Variants in CYP4F3 observed in about 807,000 individuals in gnomAD.
The protein encoded by CYP4F3 is cytochrome P450 4F3.
Under a neutral mutation model 54.8 loss-of-function variants are expected in CYP4F3, and 50 were observed. The ratio of observed to expected loss-of-function variants is 0.91; its 90% CI spans 0.73 to 1.16. CYP4F3 has a LOEUF of 1.16. Ranked by LOEUF, CYP4F3 falls within the 50% of genes most tolerant of loss-of-function variation. The probability of loss-of-function intolerance (pLI) is 0.00; values close to 1 mark genes in which losing one functional copy is unlikely to be tolerated. For missense variants in CYP4F3, 715 were observed against 676.2 expected, an observed-to-expected ratio of 1.06 and a Z score of -0.64; for synonymous variants, 244 against 262.6, an observed-to-expected ratio of 0.93 and a Z score of 0.69.
chr19:15,653,557 A>C lies in CYP4F3; in HGVS notation c.1115+605A>C, dbSNP rs116799090. 2.0e-3 allele frequency among the ~76,000 whole-genome samples: 304 copies of C among 152,270 alleles called. 1 individual carries two copies. Among genetic ancestry groups the C allele is most frequent in the African/African-American group, 6.9e-3 (285 of 41,562 alleles). On this transcript the variant is annotated intron_variant, in intron 9 of 12. Transcript: ENST00000221307. ...TGGGGGAACTGTCCCTGGGCAGGACAGTCCCAGCCCACGTGGGCAGGGATG... is the reference window on the plus strand; with the variant it reads ...TGGGGGAACTGTCCCTGGGCAGGACCGTCCCAGCCCACGTGGGCAGGGATG...
chr19:15,646,049 A>G (rs978016905), intron 3 of CYP4F3, among the ~76,000 whole-genome samples, 186 bp downstream of exon 3: 3 of 152,054 alleles, frequency 2.0e-5, no homozygotes, highest in East Asian at 1.9e-4. Flanking sequence ...CTGTTTGCTC[A>G]TGTCTGGGAA....
At chr19:15,653,758 G>C (rs1022416733) in intron 9 of CYP4F3, among the ~76,000 whole-genome samples, 1 of 142,114 alleles carries the variant, frequency 7.0e-6, no homozygotes, top group African/African-American at 3.0e-5. Flanking sequence ...GAGAGAGAGA[G>C]AGAGAGAGAG....
In CYP4F3 at chr19:15,651,091, G is replaced by C. The variant is rs1972841560; in HGVS notation, c.918+908G>C. Among the ~76,000 whole-genome samples the C allele has an allele frequency of 1.3e-5, 2 of 151,574 alleles. 1 individual carries two copies. Among genetic ancestry groups the C allele is most frequent in the South Asian group, 4.2e-4 (2 of 4,812 alleles). ...AGGTTTCACCATGTTGGCCAGGCTG[G>C]TCTTGAACTCCTGACTTCATGATCC... On this transcript the variant is annotated intron_variant, in intron 7 of 12. Transcript: ENST00000221307.
chr19:15,649,389 T>C (rs1972721505), intron 6 of CYP4F3, 108 bp downstream of exon 6: 1 of 1,544,984 alleles, frequency 6.5e-7, no homozygotes, highest in South Asian at 1.1e-5. Flanking sequence ...CTTGGAGGAG[T>C]TGTTATACCT....
intron 5 of CYP4F3, among the ~76,000 whole-genome samples, chr19:15,648,850 C>T (rs1262774964): frequency 6.6e-6 from 1 of 152,148 alleles, no homozygotes; most frequent in African/African-American, 2.4e-5. Flanking sequence ...CTCCAAAGCA[C>T]ATCATCTTAA....
At chr19:15,659,104 T>C in intron 12 of CYP4F3, 116 bp from the exon 13 acceptor site, 1 of 1,406,926 alleles carries the variant, frequency 7.1e-7, no homozygotes, top group Non-Finnish European at 9.6e-7. Flanking sequence ...GATACCCCCT[T>C]CTCTGTTCCT....
chr19:15,645,580 C>A, intron 2 of CYP4F3, 139 bp from the exon 3 acceptor site: 12 of 1,129,826 alleles, frequency 1.1e-5, no homozygotes, highest in Non-Finnish European at 1.5e-5. Flanking sequence ...AGGAGGAAGC[C>A]CAGTGGGGGC....
chr19:15,641,734 G>T (rs1972471125), intron 2 of CYP4F3, 121 bp downstream of exon 2: 1 of 1,142,926 alleles, frequency 8.7e-7, no homozygotes, highest in South Asian at 1.4e-5. Flanking sequence ...AGCAGGGGAG[G>T]CGTCTTACTC....
intron 2 of CYP4F3, among the ~76,000 whole-genome samples, chr19:15,644,656 T>G (rs1972572444): frequency 6.6e-6 from 1 of 152,120 alleles, no homozygotes; most frequent in South Asian, 2.1e-4. Context: ...CTGGTGTGGG[T>G]CAAGTCCTTT....
chr19:15,647,419 C>T (rs1599886460), intron 5 of CYP4F3, 95 bp downstream of exon 5: 2 of 1,564,188 alleles, frequency 1.3e-6, no homozygotes, highest in Non-Finnish European at 1.7e-6. Context: ...CTGGGTGCCT[C>T]TGGGCCATTG....
chr19:15,652,105 G>C (rs1972874121), intron 7 of CYP4F3, among the ~76,000 whole-genome samples: 1 of 152,152 alleles, frequency 6.6e-6, no homozygotes, highest in Admixed American at 6.5e-5. Flanking sequence ...AGCTTTGTGA[G>C]AGATTATGTG....
intron 9 of CYP4F3, among the ~76,000 whole-genome samples, chr19:15,656,503 A>G (rs1262678171): frequency 1.4e-5 from 1 of 73,012 alleles, no homozygotes; most frequent in Non-Finnish European, 2.4e-5. Context: ...CTATCTATCT[A>G]TCTATCTATC....
At chr19:15,650,776 G>GTTCTTTCTTTCTTTCTTTC (rs1555742532) in intron 7 of CYP4F3, among the ~76,000 whole-genome samples, 786 of 25,524 alleles carry the variant, frequency 0.031, 156 homozygotes, top group Middle Eastern at 0.1. Flanking sequence ...TTTTTCTTTC[G>GTTCTTTCTTTCTTTCTTTC]TTCTTTCTTT....
chr19:15,657,000 C>A (rs2733759), intron 9 of CYP4F3, among the ~76,000 whole-genome samples: 100,491 of 151,524 alleles, frequency 0.66, 33,845 homozygotes, highest in East Asian at 0.82. Flanking sequence ...CAATTATAGT[C>A]AATATTTCCA....
chr19:15,659,308 A>G lies in CYP4F3; in HGVS notation c.1486A>G (p.Thr496Ala), dbSNP rs761890395. ...LLRFRVLPDHTEPRRKPELVL... is the reference protein window; with the variant it reads ...LLRFRVLPDHAEPRRKPELVL... ...GCGCTTCCGCGTCCTGCCTGACCAC[A>G]CCGAGCCCCGCAGGAAGCCGGAGCT... is the stretch of plus-strand genomic sequence containing the variant. Residue 496 changes from threonine (T) to alanine (A), a missense_variant, in exon 13 of 13, where the codon ACC becomes GCC. By Grantham distance (58) the Thr-to-Ala change is moderately conservative (BLOSUM62 0). Coordinates refer to ENST00000221307, the MANE Select transcript of CYP4F3 (RefSeq NM_000896.3). The G allele has an allele frequency of 1.2e-6, 2 of 1,613,612 alleles. No homozygotes were observed. Among genetic ancestry groups the G allele is most frequent in the Admixed American group, 3.3e-5 (2 of 59,982 alleles).
chr19:15,655,557 G>A (rs1347589493), intron 9 of CYP4F3, among the ~76,000 whole-genome samples: 2 of 152,166 alleles, frequency 1.3e-5, no homozygotes, highest in South Asian at 2.1e-4. Context: ...CCACCTTAGC[G>A]GTGACTACAG....
chr19:15,655,274 A>G (rs1270697408), intron 9 of CYP4F3, among the ~76,000 whole-genome samples: 1 of 152,176 alleles, frequency 6.6e-6, no homozygotes, highest in African/African-American at 2.4e-5. Context: ...CTGGTTATTA[A>G]TCGCTTGTCA....
rs374371061 is a variant in CYP4F3, at chr19:15,641,601, T to C, written c.186T>C (p.Gly62=). Residue 62 remains glycine (G), a synonymous_variant, in exon 2 of 13, where the codon GGT becomes GGC. Coordinates refer to ENST00000221307, the MANE Select transcript of CYP4F3 (RefSeq NM_000896.3). ...PQPPKRNWFL[G]HLGLIHSSEE... ...CCCCGAAACGGAATTGGTTCTTGGG[T>C]CACCTGGGCCTGGTGAGTGTGGCAG... The C allele has an allele frequency of 1.2e-6, 2 of 1,611,054 alleles. No homozygotes were observed. Among genetic ancestry groups the C allele is most frequent in the African/African-American group, 2.7e-5 (2 of 74,518 alleles).
chr19:15,646,990 C>T (rs1307259012), intron 3 of CYP4F3, 62 bp from the exon 4 acceptor site: 16 of 1,604,148 alleles, frequency 1.0e-5, no homozygotes, highest in Non-Finnish European at 1.4e-5. Flanking sequence ...GAGCCTCCCC[C>T]CACCCCCAAA....
Sources: gnomAD v4.1 joint callset for allele counts (sites outside exome capture counted in the v4.1 genomes callset) on GRCh38, gnomAD v4.1.1 for gene constraint, MANE v1.5 for transcripts, NCBI Gene and HGNC (gene_info 2026-07-23, HGNC 2026-07-21) for gene names.